DNM3: variants seen among roughly 807,000 people sequenced by gnomAD.
DNM3 encodes the protein dynamin 3.
A neutral mutation model predicts 101.6 loss-of-function variants in DNM3; 47 were observed. The ratio of observed to expected loss-of-function variants is 0.46; its 90% CI spans 0.37 to 0.59. The LOEUF is 0.59. Ranked by LOEUF, DNM3 falls within the 20% of genes least tolerant of loss-of-function variation. DNM3 has a pLI of 0.00. For synonymous variants in DNM3, 385 were observed against 387.9 expected, an observed-to-expected ratio of 0.99 and a Z score of 0.09; for missense variants, 849 against 1,085.7, an observed-to-expected ratio of 0.78 and a Z score of 3.06.
intron 14 of DNM3, among the ~76,000 whole-genome samples, chr1:172,175,155 C>T (rs752011305): frequency 6.6e-6 from 1 of 151,598 alleles, no homozygotes; most frequent in African/African-American, 2.4e-5. Flanking sequence ...GTTGTTCACA[C>T]GGGAGACAAG....
intron 15 of DNM3, among the ~76,000 whole-genome samples, chr1:172,298,152 C>T (rs1367902728): frequency 1.3e-5 from 2 of 152,008 alleles, no homozygotes; most frequent in Non-Finnish European, 2.9e-5. Context: ...GTTCGTGTGC[C>T]TCTTCAAGTC....
intron 10 of DNM3, among the ~76,000 whole-genome samples, chr1:172,059,723 A>T (rs530193083): frequency 8.0e-5 from 11 of 137,884 alleles, no homozygotes; most frequent in African/African-American, 2.5e-4. Flanking sequence ...TCTATGACAA[A>T]CCCACAGCCA....
intron 12 of DNM3, among the ~76,000 whole-genome samples, chr1:172,084,595 T>A (rs2053400912): frequency 1.3e-5 from 2 of 152,260 alleles, no homozygotes; most frequent in South Asian, 4.1e-4. Context: ...GTTGTGGTAT[T>A]TTTTGTGCTT....
chr1:172,079,413 C>T (rs2052952876), intron 11 of DNM3, among the ~76,000 whole-genome samples: 1 of 151,796 alleles, frequency 6.6e-6, no homozygotes, highest in Non-Finnish European at 1.5e-5. Flanking sequence ...ATCGATTTGC[C>T]TATTGATACT....
chr1:172,282,646 A>T (rs1028749226), intron 15 of DNM3, among the ~76,000 whole-genome samples: 3 of 152,204 alleles, frequency 2.0e-5, no homozygotes, highest in African/African-American at 7.2e-5. Context: ...TCCAGATGGG[A>T]TATCTCTGTT....
intron 2 of DNM3, among the ~76,000 whole-genome samples, chr1:171,943,827 T>C (rs909680515): frequency 6.6e-6 from 1 of 152,246 alleles, no homozygotes. Flanking sequence ...CTTCAAACTT[T>C]TTATAGTTTG....
chr1:172,358,322 C>G (rs1286033387), intron 17 of DNM3, among the ~76,000 whole-genome samples: 1 of 151,988 alleles, frequency 6.6e-6, no homozygotes, highest in African/African-American at 2.4e-5. Context: ...CTTTTAAAAT[C>G]TACTAAAGTA....
At chr1:172,128,278 C>T (rs1221446398) in intron 13 of DNM3, among the ~76,000 whole-genome samples, 1 of 152,176 alleles carries the variant, frequency 6.6e-6, no homozygotes, top group African/African-American at 2.4e-5. Context: ...AGATCACACT[C>T]CATCTGTGTT....
rs115914008 is a variant in DNM3, at chr1:172,040,081, G to T, written c.992+1620G>T. 3.2e-3 allele frequency among the ~76,000 whole-genome samples: 481 copies of T among 152,172 alleles called. 3 individuals are homozygous for T. Among genetic ancestry groups the T allele is most frequent in the African/African-American group, 0.011 (454 of 41,532 alleles). On this transcript the variant is annotated intron_variant, in intron 7 of 20. Coordinates refer to ENST00000627582, the MANE Select transcript of DNM3 (RefSeq NM_015569.5). ...AGGACCTTGTCATGTGGAAGGAGGA[G>T]GGCAAGAGAATCATGAGAACTTTGG...
At chr1:171,999,353 AG>A (rs1292035278) in intron 4 of DNM3, among the ~76,000 whole-genome samples, 1 of 152,186 alleles carries the variant, frequency 6.6e-6, no homozygotes, top group Non-Finnish European at 1.5e-5. Context: ...TTTTACCCAA[AG>A]GAACAGGTTA....
Position 172,038,344 on chromosome 1 carries a change from C to A in DNM3, c.875C>A (p.Thr292Asn). 6.2e-7 allele frequency: 1 copy of A among 1,613,308 alleles called. No individual in the cohort carries two copies. The highest frequency in any genetic ancestry group is 8.5e-7 in the Non-Finnish European group (1 of 1,179,522). The change falls in exon 7 of 21, where the codon ACC becomes AAC. Residue 292 changes from threonine to asparagine, a missense_variant. By Grantham distance (65) the Thr-to-Asn change is moderately conservative. Coordinates refer to ENST00000627582, the MANE Select transcript of DNM3 (RefSeq NM_015569.5). ...NQQLTNHIRD[T>N]LPNFRNKLQG... is the part of the protein sequence containing the mutation. ...CAACTTACCAACCACATTCGGGATA[C>A]CCTACCAAACTTCAGGAACAAACTA...
chr1:172,007,373 A>T (rs1257587876), intron 4 of DNM3, among the ~76,000 whole-genome samples: 2 of 152,004 alleles, frequency 1.3e-5, no homozygotes, highest in Non-Finnish European at 1.5e-5. Context: ...CATGTCTCTG[A>T]GTGTCATCTT....
At chr1:172,378,906 G>C (rs1444417580) in intron 17 of DNM3, 112 bp from the exon 18 acceptor site, 1 of 1,207,896 alleles carries the variant, frequency 8.3e-7, no homozygotes, top group African/African-American at 1.6e-5. Flanking sequence ...ACCATCTACT[G>C]ATATAAACTC....
intron 1 of DNM3, among the ~76,000 whole-genome samples, chr1:171,918,169 C>A (rs750379244): frequency 1.3e-5 from 2 of 152,026 alleles, no homozygotes; most frequent in African/African-American, 4.8e-5. Flanking sequence ...GCGAATACTA[C>A]AATATCAGGG....
intron 15 of DNM3, among the ~76,000 whole-genome samples, chr1:172,292,318 A>G (rs1332029582): frequency 6.6e-6 from 1 of 152,194 alleles, no homozygotes. Flanking sequence ...ATGGCACAAA[A>G]TGGATTTGAG....
chr1:172,099,799 G>C (rs930580372), intron 13 of DNM3, among the ~76,000 whole-genome samples: 1 of 152,202 alleles, frequency 6.6e-6, no homozygotes, highest in African/African-American at 2.4e-5. Flanking sequence ...AGAGATAACA[G>C]ACACTGGAGG....
At chr1:172,399,099 C>T (rs1263000601) in intron 20 of DNM3, among the ~76,000 whole-genome samples, 1 of 152,004 alleles carries the variant, frequency 6.6e-6, no homozygotes, top group East Asian at 1.9e-4. Context: ...CTTTGTGTTC[C>T]AGTTTATGTG....
chr1:171,957,987 G>A (rs1267610536), intron 2 of DNM3, among the ~76,000 whole-genome samples: 5 of 152,134 alleles, frequency 3.3e-5, no homozygotes, highest in East Asian at 1.9e-4. Flanking sequence ...TACTGTATTA[G>A]TCTGTCTTCA....
At chr1:171,905,114 A>G (rs1180892576) in intron 1 of DNM3, among the ~76,000 whole-genome samples, 1 of 152,164 alleles carries the variant, frequency 6.6e-6, no homozygotes, top group Non-Finnish European at 1.5e-5. Flanking sequence ...AAGATGTGAC[A>G]TTTTTTGTTT....
Sources: gnomAD v4.1 joint callset for allele counts (sites outside exome capture counted in the v4.1 genomes callset) on GRCh38, gnomAD v4.1.1 for gene constraint, MANE v1.5 for transcripts, NCBI Gene and HGNC (gene_info 2026-07-23, HGNC 2026-07-21) for gene names.